The following KIAA1958 variants were observed in gnomAD, a reference collection of about 807,000 sequenced individuals.
KIAA1958 encodes the protein KIAA1958.
KIAA1958 carries 14 observed loss-of-function variants against 47.2 expected under a neutral mutation model. The observed-to-expected ratio is 0.30, with a 90% confidence interval of 0.20 to 0.46. The LOEUF is 0.46. KIAA1958 is among the 20% of genes least tolerant of loss of function. The pLI is 1.00. For synonymous variants in KIAA1958, 354 were observed against 353.3 expected, an observed-to-expected ratio of 1.00 and a Z score of -0.02; for missense variants, 803 against 909.2, an observed-to-expected ratio of 0.88 and a Z score of 1.50.
chr9:112,668,151 G>C lies in KIAA1958; in HGVS notation c.*8082G>C, dbSNP rs1013394342. Reference sequence around the variant, plus strand: ...AGTCCACTGCTTCCAAGTGAGAAAAGCCAAGGAGTCCCCTGCGTTGGGGGT... The same window carrying C: ...AGTCCACTGCTTCCAAGTGAGAAAACCCAAGGAGTCCCCTGCGTTGGGGGT... On this transcript the variant is annotated 3_prime_UTR_variant, in exon 4 of 4. Transcript: ENST00000337530. 1 of 99,352 alleles carries C rather than the reference G, an allele frequency of 1.0e-5. No homozygotes were observed. Among genetic ancestry groups the C allele is most frequent in the South Asian group, 3.0e-4 (1 of 3,302 alleles). 6.2% of individuals were successfully genotyped at this position (99,352 alleles called of 1,614,324 possible). A position where few individuals can be genotyped will look rare whatever the true frequency, so the allele number is the denominator to read the frequency against.
At chr9:112,528,280 A>C (rs1167576122) in intron 1 of KIAA1958, among the ~76,000 whole-genome samples, 1 of 152,108 alleles carries the variant, frequency 6.6e-6, no homozygotes, top group Non-Finnish European at 1.5e-5. Context: ...CCCTGCACTT[A>C]GTGTCCCACG....
In KIAA1958 at chr9:112,657,345, G is replaced by C. The variant is rs556823399; in HGVS notation, c.1345-1918G>C. On this transcript the variant is annotated intron_variant, in intron 3 of 3. Transcript: ENST00000337530. ...GACCTCAAGTGATCCTCCTGCCTCA[G>C]CCTCCCAAAGTGCTGAGATTACAGG... 2.0e-5 allele frequency among the ~76,000 whole-genome samples: 3 copies of C among 152,228 alleles called. No individual in the cohort carries two copies. In the South Asian group the frequency reaches 6.2e-4, roughly 32 times the overall value.
Position 112,615,867 on chromosome 9 carries a change from A to G in KIAA1958, c.1172-29783A>G, listed in dbSNP as rs557210607. Among the ~76,000 whole-genome samples the G allele has an allele frequency of 1.2e-4, 19 of 152,398 alleles. No homozygotes were observed. The South Asian group carries it at 3.7e-3, about 30-fold the overall frequency. ...ACCGTAGTAGGTTTGGGATGGCAAC[A>G]TGTACAACTCAGTTTACATCTCAGA... On this transcript the variant is annotated intron_variant, in intron 2 of 3. Coordinates refer to ENST00000337530, the MANE Select transcript of KIAA1958 (RefSeq NM_133465.4).
intron 1 of KIAA1958, among the ~76,000 whole-genome samples, chr9:112,519,663 A>G (rs959042102): frequency 3.3e-5 from 5 of 152,214 alleles, no homozygotes; most frequent in African/African-American, 9.7e-5. Flanking sequence ...CAAAATAGGC[A>G]TGCTGATTAG....
intron 2 of KIAA1958, among the ~76,000 whole-genome samples, chr9:112,635,487 A>C (rs1836790677): frequency 6.6e-6 from 1 of 152,122 alleles, no homozygotes; most frequent in Admixed American, 6.5e-5. Context: ...CCTCAGCTCA[A>C]GTTATCCGCC....
rs1836189852 is a variant in KIAA1958 at position 112,604,490 on chromosome 9, A to G, written c.1171+29239A>G. Among the ~76,000 whole-genome samples, 3 of 152,230 alleles carry G rather than the reference A, an allele frequency of 2.0e-5. No individual in the cohort carries two copies. The South Asian group carries it at 6.2e-4, about 32-fold the overall frequency. On this transcript the variant is annotated intron_variant, in intron 2 of 3. Transcript: ENST00000337530. ...GTGGTACTTGTGAATGGTACAGGCA[A>G]GAAATACAACCTTTCATTCAAAGAA...
Position 112,584,904 on chromosome 9 carries a change from G to GT in KIAA1958, c.1171+9654dup, listed in dbSNP as rs1259273596. Among the ~76,000 whole-genome samples, 3 of 152,296 alleles carry GT rather than the reference G, an allele frequency of 2.0e-5. No individual in the cohort carries two copies. The South Asian group carries it at 6.2e-4, about 32-fold the overall frequency. ...CCCCGCCCCGCCTTTGCCTGCATTG[G>GT]TACAGGAGTAGTCTAAACTGCCGAC... On this transcript the variant is annotated intron_variant, in intron 2 of 3. Coordinates refer to ENST00000337530, the MANE Select transcript of KIAA1958 (RefSeq NM_133465.4).
intron 1 of KIAA1958, among the ~76,000 whole-genome samples, chr9:112,522,986 G>A (rs1000012735): frequency 6.6e-6 from 1 of 152,176 alleles, no homozygotes; most frequent in African/African-American, 2.4e-5. Context: ...AAGTTAACAG[G>A]TGTAGGTAGC....
At chr9:112,521,596 A>G (rs944411225) in intron 1 of KIAA1958, among the ~76,000 whole-genome samples, 11 of 152,140 alleles carry the variant, frequency 7.2e-5, no homozygotes, top group African/African-American at 2.7e-4. Context: ...GTTTTATTGC[A>G]TTTCAGTCAT....
intron 1 of KIAA1958, among the ~76,000 whole-genome samples, chr9:112,536,190 AC>A (rs1395643431): frequency 6.6e-6 from 1 of 152,214 alleles, no homozygotes; most frequent in Non-Finnish European, 1.5e-5. Context: ...CAGAGTGAAG[AC>A]CAGGAAATTG....
At chr9:112,515,897 A>T (rs1185556248) in intron 1 of KIAA1958, among the ~76,000 whole-genome samples, 18 of 141,358 alleles carry the variant, frequency 1.3e-4, no homozygotes, top group African/African-American at 4.4e-4. Context: ...AATAAATTAA[A>T]AAAAAAAAAA....
intron 2 of KIAA1958, among the ~76,000 whole-genome samples, chr9:112,592,741 A>T (rs1835945642): frequency 6.6e-6 from 1 of 152,234 alleles, no homozygotes. Flanking sequence ...CCTGGGTAAG[A>T]TAGTGCTAAA....
At chr9:112,488,079 T>A (rs1833900018) in intron 1 of KIAA1958, among the ~76,000 whole-genome samples, 1 of 152,062 alleles carries the variant, frequency 6.6e-6, no homozygotes, top group South Asian at 2.1e-4. Flanking sequence ...AGTCAGGTAG[T>A]GACAGCTTCC....
chr9:112,608,119 G>A (rs1467868204), intron 2 of KIAA1958, among the ~76,000 whole-genome samples: 2 of 152,148 alleles, frequency 1.3e-5, no homozygotes, highest in African/African-American at 4.8e-5. Context: ...AGACCAAAAT[G>A]TGGGAATTAT....
chr9:112,601,523 T>G (rs941558521), intron 2 of KIAA1958, among the ~76,000 whole-genome samples: 1 of 152,010 alleles, frequency 6.6e-6, no homozygotes, highest in African/African-American at 2.4e-5. Flanking sequence ...AAATGCAGAC[T>G]CCTCCTTTGA....
chr9:112,546,500 A>G (rs1367438733), intron 1 of KIAA1958, among the ~76,000 whole-genome samples: 2 of 151,712 alleles, frequency 1.3e-5, no homozygotes, highest in Admixed American at 6.6e-5. Flanking sequence ...TTTTTGAGAC[A>G]GAGTCTCACT....
intron 3 of KIAA1958, among the ~76,000 whole-genome samples, chr9:112,654,911 C>T (rs555086844): frequency 1.2e-4 from 18 of 152,126 alleles, no homozygotes; most frequent in Non-Finnish European, 2.2e-4. Flanking sequence ...TTTTTCCTTT[C>T]CCATATACAT....
intron 2 of KIAA1958, among the ~76,000 whole-genome samples, chr9:112,613,919 A>C (rs1348493888): frequency 1.3e-5 from 2 of 152,188 alleles, no homozygotes; most frequent in African/African-American, 2.4e-5. Flanking sequence ...GTATATACCC[A>C]AGAGAGATGC....
At chr9:112,571,693 G>A (rs1835536213) in intron 1 of KIAA1958, among the ~76,000 whole-genome samples, 2 of 151,998 alleles carry the variant, frequency 1.3e-5, no homozygotes, top group Non-Finnish European at 2.9e-5. Flanking sequence ...GCTCATGCCT[G>A]TAATCCCTGA....
Sources: allele counts gnomAD v4.1 joint callset (sites outside exome capture counted in the v4.1 genomes callset), GRCh38; gene constraint gnomAD v4.1.1; transcripts MANE v1.5; gene names NCBI Gene and HGNC (gene_info 2026-07-23, HGNC 2026-07-21).